DAB1: variants seen among roughly 807,000 people sequenced by gnomAD.
DAB1 encodes DAB adaptor protein 1.
In DAB1, 15 loss-of-function variants were observed where a neutral mutation model predicts 64.6. That is an observed-to-expected ratio of 0.23 (90% CI 0.16 to 0.36). DAB1 has a LOEUF of 0.36. Among genes scored for constraint, DAB1 ranks in the 10% least tolerant of loss-of-function variants. The pLI, the probability that DAB1 is intolerant of heterozygous loss-of-function variation, is 1.00. For synonymous variants in DAB1, 235 were observed against 251.9 expected, an observed-to-expected ratio of 0.93 and a Z score of 0.64; for missense variants, 596 against 706.7, an observed-to-expected ratio of 0.84 and a Z score of 1.78.
intron 6 of DAB1, among the ~76,000 whole-genome samples, chr1:57,700,622 G>T (rs1646895735): frequency 6.6e-6 from 1 of 151,988 alleles, no homozygotes; most frequent in African/African-American, 2.4e-5. Flanking sequence ...TCTTCTCTTT[G>T]TCCTCGATCT....
At chr1:58,135,506 G>A (rs180950133) in intron 5 of DAB1, among the ~76,000 whole-genome samples, 3 of 152,128 alleles carry the variant, frequency 2.0e-5, no homozygotes, top group Admixed American at 1.3e-4. Context: ...ACATTTCAAT[G>A]CTGACTCATT....
chr1:57,713,519 G>C (rs1647050256), intron 6 of DAB1, among the ~76,000 whole-genome samples: 1 of 152,198 alleles, frequency 6.6e-6, no homozygotes, highest in East Asian at 1.9e-4. Flanking sequence ...AGATGGTGGA[G>C]TGCATGGAAG....
intron 1 of DAB1, among the ~76,000 whole-genome samples, chr1:57,401,733 G>A (rs946458078): frequency 2.0e-5 from 3 of 152,156 alleles, no homozygotes; most frequent in African/African-American, 4.8e-5. Context: ...CAGATTTTCC[G>A]ACAGACCTGA....
At chr1:58,430,591 G>A (rs1644861053) in intron 3 of DAB1, among the ~76,000 whole-genome samples, 1 of 152,168 alleles carries the variant, frequency 6.6e-6, no homozygotes, top group Admixed American at 6.5e-5. Context: ...AAGACTGCCA[G>A]CTACACTCAG....
chr1:57,013,636 A>T (rs980839688), intron 12 of DAB1, among the ~76,000 whole-genome samples: 2 of 152,082 alleles, frequency 1.3e-5, no homozygotes, highest in African/African-American at 4.8e-5. Flanking sequence ...TTTTTTTGAC[A>T]GTTCACAGTA....
intron 1 of DAB1, among the ~76,000 whole-genome samples, chr1:57,418,555 T>C (rs1301958603): frequency 6.6e-6 from 1 of 152,236 alleles, no homozygotes; most frequent in African/African-American, 2.4e-5. Flanking sequence ...CATGCTGAAC[T>C]ACTTACAACT....
intron 7 of DAB1, among the ~76,000 whole-genome samples, chr1:57,509,918 C>T (rs913060096): frequency 6.6e-6 from 1 of 152,220 alleles, no homozygotes; most frequent in Non-Finnish European, 1.5e-5. Flanking sequence ...CTCCACATCT[C>T]TGCAACTTTT....
At chr1:57,404,009 T>A (rs1301499406) in intron 1 of DAB1, among the ~76,000 whole-genome samples, 14 of 152,018 alleles carry the variant, frequency 9.2e-5, no homozygotes, top group Non-Finnish European at 5.9e-5. Flanking sequence ...GAGGGTGTAG[T>A]CACCACACTA....
At chr1:57,919,870 C>CGT (rs1169452060) in intron 5 of DAB1, among the ~76,000 whole-genome samples, 1 of 152,098 alleles carries the variant, frequency 6.6e-6, no homozygotes, top group East Asian at 1.9e-4. Flanking sequence ...CATGTGTGCA[C>CGT]GTGTGTGTAC....
intron 1 of DAB1, among the ~76,000 whole-genome samples, chr1:57,402,010 T>C (rs1372058881): frequency 6.6e-6 from 1 of 152,170 alleles, no homozygotes. Context: ...TATACAATAG[T>C]GACTTACTAG....
At chr1:58,305,973 G>A (rs990838846) in intron 4 of DAB1, among the ~76,000 whole-genome samples, 3 of 152,092 alleles carry the variant, frequency 2.0e-5, no homozygotes, top group African/African-American at 4.8e-5. Flanking sequence ...GGCTGTGACA[G>A]GAGCACCCCC....
chr1:57,679,430 T>C (rs1008011866), intron 6 of DAB1, among the ~76,000 whole-genome samples: 1 of 152,146 alleles, frequency 6.6e-6, no homozygotes, highest in Non-Finnish European at 1.5e-5. Context: ...GTGGACAAGA[T>C]TGTAGGTAGA....
chr1:57,119,151 C>T (rs941158279), intron 4 of DAB1, among the ~76,000 whole-genome samples: 1 of 152,204 alleles, frequency 6.6e-6, no homozygotes, highest in Non-Finnish European at 1.5e-5. Flanking sequence ...CAACTATTTA[C>T]ATACAGGGCA....
chr1:58,066,905 T>A (rs1417693729), intron 5 of DAB1, among the ~76,000 whole-genome samples: 2 of 152,230 alleles, frequency 1.3e-5, no homozygotes, highest in Non-Finnish European at 2.9e-5. Context: ...TCAGCGACTC[T>A]ACATTTCACA....
intron 7 of DAB1, among the ~76,000 whole-genome samples, chr1:57,626,984 A>C (rs1353746858): frequency 6.6e-6 from 1 of 152,196 alleles, no homozygotes; most frequent in African/African-American, 2.4e-5. Flanking sequence ...CACAGGGAGC[A>C]CAGACTACTA....
At chr1:57,418,347 AAGAC>A (rs1684648491) in intron 1 of DAB1, among the ~76,000 whole-genome samples, 2 of 152,254 alleles carry the variant, frequency 1.3e-5, no homozygotes, top group African/African-American at 4.8e-5. Flanking sequence ...GAAACGAGGA[AAGAC>A]AGAGACAGAG....
intron 2 of DAB1, among the ~76,000 whole-genome samples, chr1:57,234,522 A>G (rs997352849): frequency 4.6e-5 from 7 of 152,232 alleles, no homozygotes; most frequent in African/African-American, 1.7e-4. Flanking sequence ...CTATCAGGTA[A>G]CTGCTATTAT....
intron 7 of DAB1, among the ~76,000 whole-genome samples, chr1:57,445,885 T>C (rs767850060): frequency 6.6e-6 from 1 of 152,228 alleles, no homozygotes; most frequent in Admixed American, 6.5e-5. Context: ...ATAGGTTTAA[T>C]GCTTTCTTAC....
chr1:57,358,179 C>A (rs772856665), intron 1 of DAB1, among the ~76,000 whole-genome samples: 2 of 152,000 alleles, frequency 1.3e-5, no homozygotes, highest in Non-Finnish European at 1.5e-5. Flanking sequence ...GGACTTCTAG[C>A]ACTATGCTGA....
Sources: allele counts gnomAD v4.1 joint callset (sites outside exome capture counted in the v4.1 genomes callset), GRCh38; gene constraint gnomAD v4.1.1; transcripts MANE v1.5; gene names NCBI Gene and HGNC (gene_info 2026-07-23, HGNC 2026-07-21).